OR52N2: variants seen among roughly 807,000 people sequenced by gnomAD.
OR52N2 encodes the protein olfactory receptor family 52 subfamily N member 2.
For missense variants in OR52N2, 326 were observed against 196.6 expected (o/e 1.66, Z -3.94); for synonymous variants, 129 against 72.0 (o/e 1.79, Z -4.01).
rs764308285 is a variant in OR52N2, at chr11:5,821,163, C to T, written c.828C>T (p.His276=). The T allele has an allele frequency of 1.2e-5, 9 of 781,010 alleles. No individual in the cohort carries two copies. In the South Asian group the frequency reaches 1.2e-4, roughly 10 times the overall value. 48.4% of individuals were successfully genotyped at this position (781,010 alleles called of 1,614,324 possible). The change falls in exon 2 of 2, where the codon CAC becomes CAT. Residue 276 remains histidine (H), a synonymous_variant. Coordinates refer to ENST00000317037, the MANE Select transcript of OR52N2 (RefSeq NM_001005174.3). ...GACACAATATCCCAAACCACATACA[C>T]ATCATCGTGGCCAACCTTTATCTGC... ...FVGHNIPNHI[H]IIVANLYLLL... is the part of the protein sequence containing the mutation.
intron 1 of OR52N2, among the ~76,000 whole-genome samples, chr11:5,818,295 G>C (rs558413146): frequency 2.0e-5 from 3 of 152,174 alleles, no homozygotes; most frequent in African/African-American, 7.2e-5. Context: ...TTGGGAAAAG[G>C]CATTAAACTT....
chr11:5,820,517 T>C lies in OR52N2; in HGVS notation c.182T>C (p.Met61Thr), dbSNP rs999306431. 2.6e-6 allele frequency: 2 copies of C among 778,912 alleles called. No individual in the cohort carries two copies. Among genetic ancestry groups the C allele is most frequent in the African/African-American group, 1.7e-5 (1 of 59,232 alleles). The allele number at this position is 778,912 out of a possible 1,614,324, so 48.3% of individuals were successfully genotyped here. ...CATGAGGAGGCCCTGCACCGGCCCA[T>C]GTACTACTTCCTGGCCCTGCTCTCC... is the stretch of plus-strand genomic sequence containing the variant. The part of the protein sequence containing the change: ...ISHEEALHRP[M>T]YYFLALLSFT... Residue 61 changes from methionine (M) to threonine (T), a missense_variant, in exon 2 of 2, where the codon ATG (methionine) becomes ACG (threonine). Met to Thr is a moderately conservative substitution (Grantham distance 81). Transcript: ENST00000317037.
At chr11:5,816,909 T>C (rs1208680563) in intron 1 of OR52N2, among the ~76,000 whole-genome samples, 4 of 151,884 alleles carry the variant, frequency 2.6e-5, no homozygotes, top group African/African-American at 9.7e-5. Context: ...AACTCATATA[T>C]GTATTTTTGT....
chr11:5,814,501 ATTGT>A (rs769695655), intron 1 of OR52N2, among the ~76,000 whole-genome samples: 12 of 151,982 alleles, frequency 7.9e-5, no homozygotes, highest in East Asian at 7.7e-4. Context: ...TTCCTTTCAG[ATTGT>A]TTGTTATTAA....
intron 1 of OR52N2, among the ~76,000 whole-genome samples, chr11:5,810,153 C>T (rs151113807): frequency 1.6e-3 from 238 of 152,290 alleles, no homozygotes; most frequent in African/African-American, 5.4e-3. Context: ...CCTGAATAGG[C>T]CACGCATTCT....
chr11:5,819,152 C>T (rs1250675265), intron 1 of OR52N2, among the ~76,000 whole-genome samples: 1 of 152,130 alleles, frequency 6.6e-6, no homozygotes, highest in Non-Finnish European at 1.5e-5. Context: ...GAATGTTTGG[C>T]ATTGGCTTTG....
rs11822433 is a variant in OR52N2 at position 5,814,867 on chromosome 11, G to A, written c.-54-5415G>A. Among the ~76,000 whole-genome samples, 821 of 152,280 alleles carry A rather than the reference G, an allele frequency of 5.4e-3. 12 individuals carry two copies. Among genetic ancestry groups the A allele is most frequent in the African/African-American group, 0.019 (788 of 41,570 alleles). On this transcript the variant is annotated intron_variant, in intron 1 of 1. Coordinates refer to ENST00000317037, the MANE Select transcript of OR52N2 (RefSeq NM_001005174.3). ...CAAAACAGTGTGGCACTAGCACAAA[G>A]TCAGAACTGCAGACCAATGAAGTAG...
chr11:5,810,928 T>C (rs1316373143), intron 1 of OR52N2, among the ~76,000 whole-genome samples: 1 of 152,092 alleles, frequency 6.6e-6, no homozygotes, highest in Non-Finnish European at 1.5e-5. Flanking sequence ...TGAAAAGGTT[T>C]AAGAAGATGA....
chr11:5,818,014 A>G (rs1294750410), intron 1 of OR52N2, among the ~76,000 whole-genome samples: 1 of 152,198 alleles, frequency 6.6e-6, no homozygotes, highest in Non-Finnish European at 1.5e-5. Context: ...GAAACAATGT[A>G]TACAACTCCA....
chr11:5,809,901 C>T (rs1291689413), intron 1 of OR52N2, among the ~76,000 whole-genome samples: 8 of 152,066 alleles, frequency 5.3e-5, no homozygotes. Flanking sequence ...GAATTTAGTA[C>T]AAGAAGATAC....
In OR52N2 at chr11:5,821,183, A is replaced by G. The variant is rs1299080401; in HGVS notation, c.848A>G (p.Tyr283Cys). 1.3e-6 allele frequency: 1 copy of G among 781,022 alleles called. No individual in the cohort carries two copies. The allele number at this position is 781,022 out of a possible 1,614,324, so 48.4% of individuals were successfully genotyped here. ...ATACACATCATCGTGGCCAACCTTT[A>G]TCTGCTACTGCCTCCTACCATGAAC... ...NHIHIIVANLYLLLPPTMNPI... is the reference protein window; with the variant it reads ...NHIHIIVANLCLLLPPTMNPI... Residue 283 changes from tyrosine (Y) to cysteine (C), a missense_variant, in exon 2 of 2, where the codon TAT (tyrosine) becomes TGT (cysteine). Coordinates refer to ENST00000317037, the MANE Select transcript of OR52N2 (RefSeq NM_001005174.3).
chr11:5,809,364 C>T (rs1241527145), intron 1 of OR52N2, among the ~76,000 whole-genome samples: 2 of 152,246 alleles, frequency 1.3e-5, no homozygotes, highest in African/African-American at 4.8e-5. Flanking sequence ...ATGGGCTGAG[C>T]TGACCAGATT....
At chr11:5,812,311 G>A (rs910935702) in intron 1 of OR52N2, among the ~76,000 whole-genome samples, 1 of 147,338 alleles carries the variant, frequency 6.8e-6, no homozygotes, top group Non-Finnish European at 1.5e-5. Context: ...TGGCTAACAC[G>A]GTGAAACCCT....
At chr11:5,820,252 C>A (rs1352425182) in intron 1 of OR52N2, 30 bp from the exon 2 acceptor site, 1 of 716,920 alleles carries the variant, frequency 1.4e-6, no homozygotes, top group Admixed American at 2.0e-5. Context: ...CCTCTTATCT[C>A]GTCTCTAACT....
intron 1 of OR52N2, among the ~76,000 whole-genome samples, chr11:5,809,608 A>G (rs1246115734): frequency 6.6e-6 from 1 of 152,088 alleles, no homozygotes; most frequent in African/African-American, 2.4e-5. Context: ...AAATCTTTGA[A>G]GAGGAACTCA....
At chr11:5,809,190 C>G (rs1399087393) in intron 1 of OR52N2, among the ~76,000 whole-genome samples, 136 bp downstream of exon 1, 1 of 152,188 alleles carries the variant, frequency 6.6e-6, no homozygotes, top group Non-Finnish European at 1.5e-5. Context: ...CAAAAGTTCT[C>G]TTAGCAAGGC....
At chr11:5,818,166 C>T (rs913031269) in intron 1 of OR52N2, among the ~76,000 whole-genome samples, 15 of 152,154 alleles carry the variant, frequency 9.9e-5, no homozygotes, top group African/African-American at 3.6e-4. Context: ...CTTTATTATA[C>T]TTTTCCATAG....
chr11:5,814,092 T>C (rs944227831), intron 1 of OR52N2, among the ~76,000 whole-genome samples: 2 of 152,140 alleles, frequency 1.3e-5, no homozygotes, highest in African/African-American at 4.8e-5. Context: ...TCCTCTGAAA[T>C]TAGACAAGAC....
At chr11:5,814,496 T>A (rs886093556) in intron 1 of OR52N2, among the ~76,000 whole-genome samples, 6 of 152,066 alleles carry the variant, frequency 3.9e-5, no homozygotes, top group Non-Finnish European at 7.4e-5. Flanking sequence ...CTAATTTCCT[T>A]TCAGATTGTT....
Sources: gnomAD v4.1 joint callset for allele counts (sites outside exome capture counted in the v4.1 genomes callset) on GRCh38, gnomAD v4.1.1 for gene constraint, MANE v1.5 for transcripts, NCBI Gene and HGNC (gene_info 2026-07-23, HGNC 2026-07-21) for gene names.